MASP2: variants seen among roughly 807,000 people sequenced by gnomAD.
MASP2 encodes mannan-binding lectin serine protease 2.
MASP2 carries 49 observed loss-of-function variants against 57.1 expected under a neutral mutation model. That is an observed-to-expected ratio of 0.86 (90% CI 0.68 to 1.09). The LOEUF (loss-of-function observed/expected upper bound fraction) is 1.09. MASP2 is among the 50% of genes least tolerant of loss of function. MASP2 has a pLI of 0.00. For synonymous variants in MASP2, 379 were observed against 340.8 expected (o/e 1.11, Z -1.24); for missense variants, 900 against 874.8 (o/e 1.03, Z -0.36).
chr1:11,031,070 G>T (rs987447747), intron 8 of MASP2, among the ~76,000 whole-genome samples, 188 bp from the exon 9 acceptor site: 7 of 151,842 alleles, frequency 4.6e-5, no homozygotes, highest in African/African-American at 1.7e-4. Context: ...ATGGTGGCAC[G>T]TGCCTGTTGT....
At chr1:11,035,753 G>A (rs1469008484) in intron 7 of MASP2, among the ~76,000 whole-genome samples, 3 of 151,904 alleles carry the variant, frequency 2.0e-5, no homozygotes, top group Admixed American at 6.6e-5. Context: ...AAAGTTAGCC[G>A]GGCGTGTTGG....
Position 11,047,047 on chromosome 1 carries a change from C to T in MASP2, c.78G>A (p.Val26=), listed in dbSNP as rs754107237. 2 of 1,551,134 alleles carry T rather than the reference C, an allele frequency of 1.3e-6. No homozygotes were observed. The highest frequency in any genetic ancestry group is 2.4e-5 in the South Asian group (2 of 84,088). Residue 26 remains valine (V), a synonymous_variant, in exon 2 of 11, where the codon GTG becomes GTA. Transcript: ENST00000400897. The part of the protein sequence containing the change: ...TPLGPKWPEP[V]FGRLASPGFP... The stretch of plus-strand genomic sequence containing the variant: ...AGCCGGGGGATGCCAGGCGCCCGAA[C>T]ACAGGTTCAGGCCACTTCGGGCCCA...
chr1:11,046,108 G>T (rs775820979), intron 3 of MASP2: 2 of 275,730 alleles, frequency 7.3e-6, no homozygotes, highest in Non-Finnish European at 1.4e-5. Context: ...CACCTCGCAG[G>T]TTCAAGCAAT....
chr1:11,044,800 G>A (rs2100904696), intron 4 of MASP2: 1 of 1,528,744 alleles, frequency 6.5e-7, no homozygotes, highest in Middle Eastern at 2.3e-4. Flanking sequence ...GCAGCAGGTG[G>A]GGTGGGGCCA....
chr1:11,031,242 G>A (rs908790951), intron 8 of MASP2, among the ~76,000 whole-genome samples: 5 of 151,674 alleles, frequency 3.3e-5, no homozygotes, highest in East Asian at 1.9e-4. Flanking sequence ...AAAGATCTGC[G>A]GCCGGGCGCG....
chr1:11,045,060 T>C (rs2100905263), intron 4 of MASP2: 7 of 1,063,954 alleles, frequency 6.6e-6, no homozygotes, highest in Non-Finnish European at 8.6e-6. Flanking sequence ...CCCAGAGCAC[T>C]GGCCCGTCCC....
intron 8 of MASP2, among the ~76,000 whole-genome samples, chr1:11,032,429 T>C (rs768416421): frequency 1.3e-5 from 2 of 151,616 alleles, no homozygotes; most frequent in Non-Finnish European, 2.9e-5. Flanking sequence ...CTGGGCAACA[T>C]GGTGAAACCC....
In MASP2 at chr1:11,027,444, G is replaced by T. The variant is rs867839180; in HGVS notation, c.1502C>A (p.Thr501Asn). ...DASALDIRMG[T>N]LKRLSPHYTQ... ...ATAATGAGGTGATAGTCTTTTCAGG[G>T]TGCCCATTCGAATGTCCAGGGCGGA... Residue 501 changes from threonine to asparagine, a missense_variant, in exon 11 of 11, where the codon ACC (threonine) becomes AAC (asparagine). Coordinates refer to ENST00000400897, the MANE Select transcript of MASP2 (RefSeq NM_006610.4). 1 of 1,614,044 alleles carries T rather than the reference G, an allele frequency of 6.2e-7. No homozygotes were observed. Among genetic ancestry groups the T allele is most frequent in the African/African-American group, 1.3e-5 (1 of 75,022 alleles).
chr1:11,042,945 C>T lies in MASP2; in HGVS notation c.819G>A (p.Thr273=), dbSNP rs757631853. Residue 273 remains threonine, a synonymous_variant, in exon 6 of 11, where the codon ACG becomes ACA. Transcript: ENST00000400897. The part of the protein sequence containing the change: ...LPHRIETKSN[T]VTITFVTDES... Reference sequence around the variant, plus strand: ...CATCTGTGACAAAGGTGATGGTCACCGTGTTGCTTTTTGTTTCAATCCTGT... The same window carrying T: ...CATCTGTGACAAAGGTGATGGTCACTGTGTTGCTTTTTGTTTCAATCCTGT... 1.9e-6 allele frequency: 3 copies of T among 1,613,882 alleles called. No individual in the cohort carries two copies. Among genetic ancestry groups the T allele is most frequent in the African/African-American group, 1.3e-5 (1 of 75,006 alleles).
At chr1:11,028,373 AGGAACTAAAG>A (rs1264631568) in intron 10 of MASP2, among the ~76,000 whole-genome samples, 1 of 152,218 alleles carries the variant, frequency 6.6e-6, no homozygotes, top group Non-Finnish European at 1.5e-5. Flanking sequence ...CTAGGAAAGC[AGGAACTAAAG>A]TCAGTATCAG....
intron 10 of MASP2, among the ~76,000 whole-genome samples, chr1:11,028,579 G>A (rs1643779119): frequency 6.6e-6 from 1 of 151,996 alleles, no homozygotes; most frequent in African/African-American, 2.4e-5. Flanking sequence ...TATGTTTGCT[G>A]TTGTGGTAGT....
chr1:11,034,732 G>A, intron 8 of MASP2, 96 bp downstream of exon 8: 5 of 749,364 alleles, frequency 6.7e-6, no homozygotes, highest in East Asian at 6.0e-5. Flanking sequence ...AAAAAAGAAA[G>A]TAAACAGAAA....
At chr1:11,030,662 A>G in intron 9 of MASP2, 86 bp downstream of exon 9, 1 of 1,445,834 alleles carries the variant, frequency 6.9e-7, no homozygotes, top group Non-Finnish European at 9.2e-7. Flanking sequence ...AGCCTTAGCC[A>G]AAAATGTTGG....
chr1:11,034,147 G>A (rs11583653), intron 8 of MASP2, among the ~76,000 whole-genome samples: 96,345 of 150,594 alleles, frequency 0.64, 35,155 homozygotes, highest in Non-Finnish European at 0.81. Context: ...GGTAGCTGAC[G>A]TGGGAGAATC....
intron 8 of MASP2, 130 bp downstream of exon 8, chr1:11,034,698 C>G: frequency 4.5e-6 from 2 of 444,062 alleles, no homozygotes. Flanking sequence ...GACCCTGTCT[C>G]AGAAAAAAAA....
chr1:11,045,853 C>T (rs1638622952), intron 3 of MASP2: 1 of 401,838 alleles, frequency 2.5e-6, no homozygotes, highest in African/African-American at 2.0e-5. Flanking sequence ...TGAACCCTTG[C>T]AGCAGCTTCC....
rs1181755451 is a variant in MASP2, at chr1:11,045,505, C to A, written c.447G>T (p.Ala149=). Reference sequence around the variant, plus strand: ...TGTGGCAGTGGTGGTCGCAGGTGGGCGCCTCTCCCGGGGCCACCTGGCACT... The same window carrying A: ...TGTGGCAGTGGTGGTCGCAGGTGGGAGCCTCTCCCGGGGCCACCTGGCACT... The part of the protein sequence containing the change: ...IDECQVAPGE[A]PTCDHHCHNH... Residue 149 remains alanine (A), a synonymous_variant, in exon 4 of 11, where the codon GCG becomes GCT. Transcript: ENST00000400897. 4.3e-6 allele frequency: 7 copies of A among 1,609,780 alleles called. No homozygotes were observed. The highest frequency in any genetic ancestry group is 1.7e-4 in the Middle Eastern group (1 of 5,924).
intron 8 of MASP2, 110 bp from the exon 9 acceptor site, chr1:11,030,992 C>T: frequency 1.7e-6 from 2 of 1,174,370 alleles, no homozygotes; most frequent in East Asian, 2.6e-5. Flanking sequence ...CCCTTGAGCT[C>T]AGGAGTTTGA....
chr1:11,027,447 C>T lies in MASP2; in HGVS notation c.1499G>A (p.Gly500Asp), dbSNP rs1643756744. ...HDASALDIRM[G>D]TLKRLSPHYT... ...ATGAGGTGATAGTCTTTTCAGGGTGCCCATTCGAATGTCCAGGGCGGATGC... is the reference window on the plus strand; with the variant it reads ...ATGAGGTGATAGTCTTTTCAGGGTGTCCATTCGAATGTCCAGGGCGGATGC... The change falls in exon 11 of 11, where the codon GGC becomes GAC. Residue 500 changes from glycine to aspartate, a missense_variant. By Grantham distance (94) the Gly-to-Asp change is moderately conservative. Transcript: ENST00000400897. The T allele has an allele frequency of 6.2e-7, 1 of 1,614,028 alleles. No homozygotes were observed. The highest frequency in any genetic ancestry group is 8.5e-7 in the Non-Finnish European group (1 of 1,179,940).
Sources: allele counts gnomAD v4.1 joint callset (sites outside exome capture counted in the v4.1 genomes callset), GRCh38; gene constraint gnomAD v4.1.1; transcripts MANE v1.5; gene names NCBI Gene and HGNC (gene_info 2026-07-23, HGNC 2026-07-21).